CRADD: variants seen among roughly 807,000 people sequenced by gnomAD.
CRADD encodes death domain-containing protein CRADD.
In CRADD, 9 loss-of-function variants were observed where a neutral mutation model predicts 15.5. That is an observed-to-expected ratio of 0.58 (90% CI 0.35 to 1.01). The LOEUF (loss-of-function observed/expected upper bound fraction) is 1.01. Ranked by LOEUF, CRADD falls within the 50% of genes least tolerant of loss-of-function variation. The pLI is 0.02. For synonymous variants in CRADD, 118 were observed against 107.6 expected (o/e 1.10, Z -0.60); for missense variants, 227 against 250.3 (o/e 0.91, Z 0.63).
At chr12:93,686,236 G>A (rs1176877423) in intron 2 of CRADD, among the ~76,000 whole-genome samples, 1 of 149,034 alleles carries the variant, frequency 6.7e-6, no homozygotes, top group African/African-American at 2.5e-5. Context: ...AGGAGGTGGA[G>A]GTTGCAGTGA....
chr12:93,729,767 AAG>A (rs1956431820), intron 2 of CRADD, among the ~76,000 whole-genome samples: 1 of 151,042 alleles, frequency 6.6e-6, no homozygotes, highest in Non-Finnish European at 1.5e-5. Flanking sequence ...CCTGGGCAAC[AAG>A]AGAGAGACTC....
At chr12:93,683,222 A>G (rs551664861) in intron 2 of CRADD, among the ~76,000 whole-genome samples, 8 of 152,140 alleles carry the variant, frequency 5.3e-5, no homozygotes, top group African/African-American at 1.9e-4. Context: ...AGCGTAAATC[A>G]CGGTGGGAGT....
intron 2 of CRADD, among the ~76,000 whole-genome samples, chr12:93,739,027 G>C (rs1296976737): frequency 6.6e-6 from 1 of 152,124 alleles, no homozygotes; most frequent in Non-Finnish European, 1.5e-5. Context: ...TTTGGGAATA[G>C]AGAGTTTTAT....
rs1958479473 is a variant in CRADD, at chr12:93,879,397, T to C, written c.299-14653T>C. 3.9e-5 allele frequency among the ~76,000 whole-genome samples: 6 copies of C among 152,154 alleles called. No homozygotes were observed. In the South Asian group the frequency reaches 1.2e-3, roughly 32 times the overall value. On this transcript the variant is annotated intron_variant, in intron 2 of 2. Coordinates refer to the CRADD transcript ENST00000548483. The stretch of plus-strand genomic sequence containing the variant: ...TTCAGCTTTCAGGCTATAAGGTTGG[T>C]TTTAAGGTCTGGTGATTCTCAGTTA...
chr12:93,806,825 G>T (rs1957544812), intron 2 of CRADD, among the ~76,000 whole-genome samples: 1 of 152,138 alleles, frequency 6.6e-6, no homozygotes, highest in Non-Finnish European at 1.5e-5. Context: ...AAATTGGAAG[G>T]AAATCAGTAA....
At chr12:93,734,003 C>T (rs1307892459) in intron 2 of CRADD, among the ~76,000 whole-genome samples, 1 of 152,320 alleles carries the variant, frequency 6.6e-6, no homozygotes, top group East Asian at 1.9e-4. Flanking sequence ...TCCCAAGGTG[C>T]TCGGATTACA....
chr12:93,696,815 C>T (rs1318992721), intron 2 of CRADD, among the ~76,000 whole-genome samples: 1 of 151,742 alleles, frequency 6.6e-6, no homozygotes, highest in African/African-American at 2.4e-5. Flanking sequence ...TATAGTAGGA[C>T]AACCATTTAC....
chr12:93,847,133 A>C (rs1443457233), intron 2 of CRADD, among the ~76,000 whole-genome samples: 1 of 152,152 alleles, frequency 6.6e-6, no homozygotes, highest in Non-Finnish European at 1.5e-5. Context: ...CACATATCTG[A>C]AAGTGCAGAT....
chr12:93,835,240 T>C (rs959552122), intron 2 of CRADD, among the ~76,000 whole-genome samples: 21 of 152,230 alleles, frequency 1.4e-4, no homozygotes, highest in African/African-American at 4.8e-4. Flanking sequence ...GTAATATTTA[T>C]GCACTATACT....
At chr12:93,698,562 T>C (rs986176676) in intron 2 of CRADD, among the ~76,000 whole-genome samples, 1 of 152,208 alleles carries the variant, frequency 6.6e-6, no homozygotes, top group Admixed American at 6.5e-5. Context: ...GTATTTTGTT[T>C]GTCTTTCTAT....
intron 2 of CRADD, among the ~76,000 whole-genome samples, chr12:93,730,717 C>CT (rs566237726): frequency 0.015 from 1,906 of 127,160 alleles, 33 homozygotes; most frequent in East Asian, 0.041. Flanking sequence ...CCTTCATTTA[C>CT]TTTTTTTTTT....
chr12:93,751,831 C>G (rs1956832006), intron 2 of CRADD, among the ~76,000 whole-genome samples: 1 of 152,194 alleles, frequency 6.6e-6, no homozygotes, highest in African/African-American at 2.4e-5. Flanking sequence ...CCACTGCATT[C>G]CAGCCTGGGA....
intron 2 of CRADD, among the ~76,000 whole-genome samples, chr12:93,876,762 C>T (rs1958460239): frequency 6.6e-6 from 1 of 152,132 alleles, no homozygotes; most frequent in African/African-American, 2.4e-5. Context: ...ATCCTCAACA[C>T]AGCTATTTTG....
chr12:93,718,304 G>C (rs1465512282), intron 2 of CRADD, among the ~76,000 whole-genome samples: 2 of 152,120 alleles, frequency 1.3e-5, no homozygotes, highest in Non-Finnish European at 2.9e-5. Context: ...TGGGATATCT[G>C]TTTATTCAAT....
At chr12:93,771,182 A>G (rs1957081873) in intron 2 of CRADD, among the ~76,000 whole-genome samples, 1 of 152,270 alleles carries the variant, frequency 6.6e-6, no homozygotes, top group Admixed American at 6.5e-5. Flanking sequence ...AAGTATACAT[A>G]TTTTAGTGCC....
intron 2 of CRADD, among the ~76,000 whole-genome samples, chr12:93,700,520 T>G (rs1592899129): frequency 1.3e-5 from 2 of 152,206 alleles, no homozygotes; most frequent in East Asian, 3.9e-4. Context: ...AAGCTCTGCC[T>G]CCTGGGTTCA....
At chr12:93,801,867 A>G (rs539607115) in intron 2 of CRADD, among the ~76,000 whole-genome samples, 18 of 152,250 alleles carry the variant, frequency 1.2e-4, no homozygotes, top group African/African-American at 3.4e-4. Context: ...TCCGGCCACA[A>G]CAAGTCCCCA....
downstream of CRADD, among the ~76,000 whole-genome samples, chr12:93,852,254 A>C (rs1393141675): frequency 6.6e-6 from 1 of 152,196 alleles, no homozygotes; most frequent in Non-Finnish European, 1.5e-5. Flanking sequence ...ACATTCATGG[A>C]TGAGTGAGTA....
intron 2 of CRADD, among the ~76,000 whole-genome samples, chr12:93,847,498 GAAAAAAA>G (rs11378030): frequency 4.8e-5 from 3 of 62,934 alleles, no homozygotes; most frequent in Non-Finnish European, 5.8e-5. Flanking sequence ...AGCATTGCTT[GAAAAAAA>G]AAAAAAAAAA....
Sources: gnomAD v4.1 joint callset for allele counts (sites outside exome capture counted in the v4.1 genomes callset) on GRCh38, gnomAD v4.1.1 for gene constraint, MANE v1.5 for transcripts, NCBI Gene and HGNC (gene_info 2026-07-23, HGNC 2026-07-21) for gene names.